DYNC1I1: variants seen among roughly 807,000 people sequenced by gnomAD.
DYNC1I1 encodes the protein dynein cytoplasmic 1 intermediate chain 1.
A neutral mutation model predicts 86.6 loss-of-function variants in DYNC1I1; 43 were observed. That is an observed-to-expected ratio of 0.50 (90% confidence interval 0.39 to 0.64). The LOEUF is 0.64. Among genes scored for constraint, DYNC1I1 ranks in the 30% least tolerant of loss-of-function variants. DYNC1I1 has a pLI of 0.00. For missense variants in DYNC1I1, 604 were observed against 788.8 expected (o/e 0.77, Z 2.81); for synonymous variants, 262 against 283.7 (o/e 0.92, Z 0.77).
chr7:96,058,707 T>C (rs1365991108), intron 14 of DYNC1I1, among the ~76,000 whole-genome samples: 2 of 151,770 alleles, frequency 1.3e-5, no homozygotes, highest in Non-Finnish European at 2.9e-5. Flanking sequence ...CGATCTCAGC[T>C]CACTGCAACC....
chr7:95,854,865 T>C (rs1254551394), intron 5 of DYNC1I1, among the ~76,000 whole-genome samples: 2 of 152,140 alleles, frequency 1.3e-5, no homozygotes, highest in East Asian at 1.9e-4. Flanking sequence ...AACAGATGAA[T>C]TGGCTATAGC....
chr7:95,781,065 A>T (rs745986034), intron 1 of DYNC1I1, among the ~76,000 whole-genome samples: 15 of 152,098 alleles, frequency 9.9e-5, no homozygotes, highest in Non-Finnish European at 2.2e-4. Context: ...CACTTTCAGA[A>T]GGTATAGGTT....
chr7:96,097,820 A>G lies in DYNC1I1; in HGVS notation c.*227A>G. 3 of 1,263,470 alleles carry G rather than the reference A, an allele frequency of 2.4e-6. No homozygotes were observed. Among genetic ancestry groups the G allele is most frequent in the Non-Finnish European group, 3.0e-6 (3 of 999,622 alleles). The allele number at this position is 1,263,470 out of a possible 1,614,324, so 78.3% of individuals were successfully genotyped here. ...CTATCTTTATATTTCTGTCTCAAAA[A>G]TGAAGAGAAGGGGGTTATGGGTTAA... On this transcript the variant is annotated 3_prime_UTR_variant, in exon 17 of 17. Coordinates refer to ENST00000447467, the MANE Select transcript of DYNC1I1 (RefSeq NM_001135556.2).
intron 1 of DYNC1I1, among the ~76,000 whole-genome samples, chr7:95,790,439 A>G (rs1794265783): frequency 6.6e-6 from 1 of 151,990 alleles, no homozygotes; most frequent in Non-Finnish European, 1.5e-5. Context: ...AGCACCACTC[A>G]CCTGTGCTTT....
chr7:95,781,878 T>C (rs951057312), intron 1 of DYNC1I1, among the ~76,000 whole-genome samples: 1 of 152,148 alleles, frequency 6.6e-6, no homozygotes, highest in African/African-American at 2.4e-5. Context: ...GTCAACGCTG[T>C]CAGGGAAGGT....
At chr7:95,914,943 T>C (rs1023591960) in intron 6 of DYNC1I1, among the ~76,000 whole-genome samples, 1 of 152,248 alleles carries the variant, frequency 6.6e-6, no homozygotes, top group South Asian at 2.1e-4. Flanking sequence ...ACTTGTTTGC[T>C]TTTTAATTAA....
At chr7:96,061,623 C>T (rs542047941) in intron 14 of DYNC1I1, among the ~76,000 whole-genome samples, 1 of 151,824 alleles carries the variant, frequency 6.6e-6, no homozygotes, top group East Asian at 1.9e-4. Context: ...CCGTTCACCC[C>T]CAGAGTGCTT....
intron 6 of DYNC1I1, among the ~76,000 whole-genome samples, chr7:95,895,735 T>TGA (rs1008387514): frequency 3.3e-5 from 5 of 151,982 alleles, no homozygotes; most frequent in African/African-American, 4.8e-5. Flanking sequence ...AAAAAAAAAG[T>TGA]GAGAAATGGC....
intron 5 of DYNC1I1, among the ~76,000 whole-genome samples, chr7:95,843,240 A>G (rs978893857): frequency 1.3e-5 from 2 of 152,222 alleles, no homozygotes; most frequent in South Asian, 4.1e-4. Context: ...GTACTGATCA[A>G]TGCTGAGCTG....
chr7:96,084,851 C>T (rs113454263), intron 16 of DYNC1I1, among the ~76,000 whole-genome samples: 1 of 152,168 alleles, frequency 6.6e-6, no homozygotes, highest in Non-Finnish European at 1.5e-5. Flanking sequence ...CCACAACCCT[C>T]TTTTGATCAC....
intron 1 of DYNC1I1, among the ~76,000 whole-genome samples, chr7:95,783,247 G>C (rs1328324965): frequency 6.6e-6 from 1 of 152,064 alleles, no homozygotes; most frequent in Non-Finnish European, 1.5e-5. Context: ...AGGAATAACA[G>C]GTTCCCAGAA....
intron 2 of DYNC1I1, among the ~76,000 whole-genome samples, chr7:95,805,570 T>C (rs1794682985): frequency 6.6e-6 from 1 of 152,184 alleles, no homozygotes; most frequent in East Asian, 1.9e-4. Context: ...TTTCTAGACC[T>C]AGAATCTTGG....
intron 5 of DYNC1I1, among the ~76,000 whole-genome samples, chr7:95,852,938 T>A (rs1169011584): frequency 1.3e-5 from 2 of 152,222 alleles, no homozygotes; most frequent in African/African-American, 4.8e-5. Context: ...TATAAACTTT[T>A]ATTCCATGTT....
intron 15 of DYNC1I1, among the ~76,000 whole-genome samples, chr7:96,079,802 T>G (rs1421549430): frequency 6.6e-6 from 1 of 152,154 alleles, no homozygotes; most frequent in Non-Finnish European, 1.5e-5. Context: ...AATTTGAGTT[T>G]TTTGAAAAAT....
chr7:95,988,520 T>C (rs549633201), intron 9 of DYNC1I1, among the ~76,000 whole-genome samples: 2 of 152,274 alleles, frequency 1.3e-5, no homozygotes, highest in South Asian at 2.1e-4. Context: ...TAGTTGACAA[T>C]ATACCGGGCA....
At chr7:96,012,138 G>A (rs1334581422) in intron 10 of DYNC1I1, among the ~76,000 whole-genome samples, 1 of 152,082 alleles carries the variant, frequency 6.6e-6, no homozygotes, top group Non-Finnish European at 1.5e-5. Context: ...AAAAAGTTTT[G>A]ACAGAAGGTA....
intron 6 of DYNC1I1, among the ~76,000 whole-genome samples, chr7:95,946,606 G>A (rs1485605693): frequency 1.3e-5 from 2 of 151,992 alleles, no homozygotes; most frequent in African/African-American, 2.4e-5. Context: ...TGAGTATGAG[G>A]GCACCATTTT....
chr7:96,003,880 A>G (rs1037984028), intron 10 of DYNC1I1, among the ~76,000 whole-genome samples: 1 of 152,082 alleles, frequency 6.6e-6, no homozygotes, highest in African/African-American at 2.4e-5. Context: ...CTCCCTCTGC[A>G]AACTAGGTCC....
At chr7:96,003,156 T>G (rs1221262913) in intron 10 of DYNC1I1, among the ~76,000 whole-genome samples, 2 of 152,244 alleles carry the variant, frequency 1.3e-5, no homozygotes, top group Non-Finnish European at 2.9e-5. Flanking sequence ...CTCAGCATTT[T>G]AATAACCCAT....
Sources: gnomAD v4.1 joint callset for allele counts (sites outside exome capture counted in the v4.1 genomes callset) on GRCh38, gnomAD v4.1.1 for gene constraint, MANE v1.5 for transcripts, NCBI Gene and HGNC (gene_info 2026-07-23, HGNC 2026-07-21) for gene names.